Variants in PRKG1 observed in about 807,000 individuals in gnomAD.
PRKG1 encodes the protein protein kinase cGMP-dependent 1.
In PRKG1, 35 loss-of-function variants were observed where a neutral mutation model predicts 88.1. The observed-to-expected ratio is 0.40, with a 90% confidence interval of 0.30 to 0.53. The LOEUF (loss-of-function observed/expected upper bound fraction) is 0.53. Ranked by LOEUF, PRKG1 falls within the 20% of genes least tolerant of loss-of-function variation. PRKG1 has a pLI of 0.59. For missense variants in PRKG1, 540 were observed against 839.8 expected (o/e 0.64, Z 4.41); for synonymous variants, 303 against 292.5 (o/e 1.04, Z -0.37).
At chr10:51,354,842 G>A (rs531545599) in intron 2 of PRKG1, among the ~76,000 whole-genome samples, 1 of 152,174 alleles carries the variant, frequency 6.6e-6, no homozygotes, top group Admixed American at 6.5e-5. Context: ...TTACTTGTCT[G>A]TTTTGATTAA....
At chr10:51,598,251 A>C (rs562773560) in intron 3 of PRKG1, among the ~76,000 whole-genome samples, 1 of 151,992 alleles carries the variant, frequency 6.6e-6, no homozygotes, top group Non-Finnish European at 1.5e-5. Context: ...CATTCTTTTA[A>C]CTTTTTTATC....
At chr10:51,394,361 C>T (rs374140417) in intron 2 of PRKG1, among the ~76,000 whole-genome samples, 2 of 152,140 alleles carry the variant, frequency 1.3e-5, no homozygotes, top group Non-Finnish European at 2.9e-5. Flanking sequence ...TTTTGCACAG[C>T]GTGGCAACTG....
At chr10:51,082,239 T>C (rs1391931934) in intron 1 of PRKG1, among the ~76,000 whole-genome samples, 1 of 152,174 alleles carries the variant, frequency 6.6e-6, no homozygotes, top group African/African-American at 2.4e-5. Flanking sequence ...CTAGGCTCTC[T>C]TACTGCCCAA....
At chr10:51,764,630 T>C (rs973046768) in intron 3 of PRKG1, among the ~76,000 whole-genome samples, 2 of 152,180 alleles carry the variant, frequency 1.3e-5, no homozygotes, top group Non-Finnish European at 2.9e-5. Flanking sequence ...GTGCTTTCCA[T>C]AGTATGGAAA....
chr10:51,029,711 C>A (rs1048950952), intron 1 of PRKG1, among the ~76,000 whole-genome samples: 2 of 152,122 alleles, frequency 1.3e-5, no homozygotes, highest in Non-Finnish European at 2.9e-5. Flanking sequence ...TATTTGAGAA[C>A]AAATTAGCTC....
intron 3 of PRKG1, among the ~76,000 whole-genome samples, chr10:51,766,801 G>A (rs1039085111): frequency 1.4e-4 from 21 of 152,136 alleles, no homozygotes; most frequent in African/African-American, 5.1e-4. Flanking sequence ...CTGGGGTGGG[G>A]TGCGGGGAGG....
rs12251885 is a variant in PRKG1, at chr10:52,254,968, C to T, written c.1173+3302C>T. 7.1e-3 allele frequency among the ~76,000 whole-genome samples: 1,082 copies of T among 152,180 alleles called. 15 individuals carry two copies. The highest frequency in any genetic ancestry group is 0.024 in the African/African-American group (1,009 of 41,558). ...ATATCAGACAGTATCCTGTTCACAA[C>T]CATTTCCTCTGGGCAGTCATTTGGA... On this transcript the variant is annotated intron_variant, in intron 10 of 17. Transcript: ENST00000373980.
chr10:51,566,154 G>A (rs1837597799), intron 3 of PRKG1, among the ~76,000 whole-genome samples: 1 of 152,074 alleles, frequency 6.6e-6, no homozygotes, highest in Non-Finnish European at 1.5e-5. Context: ...TAAGGAGGGA[G>A]AAATTATGGC....
chr10:51,006,082 T>C (rs1268723177), intron 1 of PRKG1, among the ~76,000 whole-genome samples: 1 of 152,198 alleles, frequency 6.6e-6, no homozygotes, highest in Non-Finnish European at 1.5e-5. Flanking sequence ...TCTCCCCATG[T>C]CAGTGTTAAG....
chr10:51,734,268 G>A lies in PRKG1; in HGVS notation c.593-70317G>A, dbSNP rs578078249. ...TGTTAAAATATGCTGGGTGATAATGGCTTGCATCTATTTGAAGAACTATTT... is the reference window on the plus strand; with the variant it reads ...TGTTAAAATATGCTGGGTGATAATGACTTGCATCTATTTGAAGAACTATTT... On this transcript the variant is annotated intron_variant, in intron 3 of 17. Transcript: ENST00000373980. 1.8e-3 allele frequency among the ~76,000 whole-genome samples: 267 copies of A among 152,150 alleles called. 1 individual carries two copies. Among genetic ancestry groups the A allele is most frequent in the African/African-American group, 6.0e-3 (248 of 41,508 alleles).
At chr10:51,618,135 T>C (rs1839110942) in intron 3 of PRKG1, among the ~76,000 whole-genome samples, 1 of 152,194 alleles carries the variant, frequency 6.6e-6, no homozygotes, top group Admixed American at 6.5e-5. Flanking sequence ...TGGTGACCAC[T>C]GCTCAAAAAT....
At chr10:51,574,887 A>G (rs12269454) in intron 3 of PRKG1, among the ~76,000 whole-genome samples, 11,208 of 152,002 alleles carry the variant, frequency 0.074, 1,381 homozygotes, top group African/African-American at 0.25. Context: ...TATTTGGGTA[A>G]CAAAAGCCTA....
At chr10:52,217,080 T>C (rs1262348240) in intron 9 of PRKG1, among the ~76,000 whole-genome samples, 1 of 152,136 alleles carries the variant, frequency 6.6e-6, no homozygotes, top group African/African-American at 2.4e-5. Flanking sequence ...CAGAGCTGTG[T>C]TTCTCAAACC....
chr10:52,111,556 G>A (rs1372447663), intron 7 of PRKG1, among the ~76,000 whole-genome samples: 2 of 152,138 alleles, frequency 1.3e-5, no homozygotes, highest in South Asian at 4.1e-4. Context: ...TAAAATTTGG[G>A]TTGTTAGATT....
At chr10:51,186,805 T>C (rs1367092135) in intron 2 of PRKG1, among the ~76,000 whole-genome samples, 2 of 151,762 alleles carry the variant, frequency 1.3e-5, no homozygotes, top group East Asian at 3.9e-4. Context: ...TTCTGAGATC[T>C]CTTGGTGCAA....
intron 5 of PRKG1, among the ~76,000 whole-genome samples, chr10:51,915,527 G>A (rs1842320239): frequency 6.6e-6 from 1 of 151,356 alleles, no homozygotes; most frequent in Non-Finnish European, 1.5e-5. Flanking sequence ...AGGAGAATGA[G>A]TTGGAAGATG....
At chr10:51,077,265 T>G (rs981978597) in intron 1 of PRKG1, among the ~76,000 whole-genome samples, 2 of 152,248 alleles carry the variant, frequency 1.3e-5, no homozygotes, top group Non-Finnish European at 2.9e-5. Context: ...CAAGTGTTTG[T>G]GTCTTTGTAT....
intron 2 of PRKG1, among the ~76,000 whole-genome samples, chr10:51,330,715 C>CTT (rs71459411): frequency 0.56 from 85,328 of 151,766 alleles, 24,103 homozygotes; most frequent in African/African-American, 0.61. Flanking sequence ...ATTCTGGTCA[C>CTT]ATTGATTTCT....
At chr10:51,028,172 A>G (rs1445651218) in intron 1 of PRKG1, among the ~76,000 whole-genome samples, 1 of 152,190 alleles carries the variant, frequency 6.6e-6, no homozygotes, top group Non-Finnish European at 1.5e-5. Context: ...CTAAAAATAT[A>G]TAAATGTCCT....
Sources: gnomAD v4.1 joint callset for allele counts (sites outside exome capture counted in the v4.1 genomes callset) on GRCh38, gnomAD v4.1.1 for gene constraint, MANE v1.5 for transcripts, NCBI Gene and HGNC (gene_info 2026-07-23, HGNC 2026-07-21) for gene names.